Variants in COX6B1 observed in about 807,000 individuals in gnomAD.
The protein encoded by COX6B1 is COX VIb-1.
Under a neutral mutation model 14.0 loss-of-function variants are expected in COX6B1, and 2 were observed. The observed-to-expected ratio is 0.14, with a 90% CI of 0.06 to 0.45. COX6B1 has a LOEUF of 0.45. Ranked by LOEUF, COX6B1 falls within the 20% of genes least tolerant of loss-of-function variation. The pLI is 0.98. For synonymous variants in COX6B1, 30 were observed against 39.7 expected, an observed-to-expected ratio of 0.76 and a Z score of 0.92; for missense variants, 81 against 114.2, an observed-to-expected ratio of 0.71 and a Z score of 1.33.
At chr19:35,658,487 G>T in intron 3 of COX6B1, 107 bp from the exon 4 acceptor site, 1 of 935,038 alleles carries the variant, frequency 1.1e-6, no homozygotes, top group East Asian at 2.5e-5. Flanking sequence ...CACACAGCAG[G>T]TACCTGTGGA....
At chr19:35,653,313 C>A (rs1447928078) in intron 2 of COX6B1, among the ~76,000 whole-genome samples, 1 of 150,730 alleles carries the variant, frequency 6.6e-6, no homozygotes, top group East Asian at 1.9e-4. Context: ...CGCTCTGTTG[C>A]CCAGGCTGGA....
At chr19:35,649,581 T>C (rs746751088) in intron 1 of COX6B1, among the ~76,000 whole-genome samples, 47 of 150,340 alleles carry the variant, frequency 3.1e-4, no homozygotes, top group Non-Finnish European at 5.2e-4. Context: ...TGGGTTCAAG[T>C]GATTCTCCTG....
intron 1 of COX6B1, among the ~76,000 whole-genome samples, chr19:35,649,992 A>G (rs1967806714): frequency 6.7e-6 from 1 of 150,004 alleles, no homozygotes; most frequent in African/African-American, 2.5e-5. Flanking sequence ...ATTCATGATT[A>G]CTTCAAAATT....
At chr19:35,657,650 ATT>A (rs1192141047) in intron 3 of COX6B1, among the ~76,000 whole-genome samples, 17 of 115,488 alleles carry the variant, frequency 1.5e-4, no homozygotes, top group Non-Finnish European at 1.1e-4. Flanking sequence ...GGGCCTTTTC[ATT>A]TTTTTTTTTT....
chr19:35,656,144 A>T (rs1967886846), intron 3 of COX6B1, among the ~76,000 whole-genome samples: 1 of 152,030 alleles, frequency 6.6e-6, no homozygotes, highest in African/African-American at 2.4e-5. Context: ...CTTTCAAAAT[A>T]AAAAAAATTA....
At chr19:35,649,110 C>A (rs896498308) in intron 1 of COX6B1, among the ~76,000 whole-genome samples, 2 of 152,122 alleles carry the variant, frequency 1.3e-5, no homozygotes, top group Non-Finnish European at 2.9e-5. Flanking sequence ...AGGCTCCCGA[C>A]GAACACTGTC....
At chr19:35,650,449 G>A (rs577622162) in intron 1 of COX6B1, among the ~76,000 whole-genome samples, 1 of 152,036 alleles carries the variant, frequency 6.6e-6, no homozygotes, top group Non-Finnish European at 1.5e-5. Context: ...TGGTGTCTCC[G>A]TTCTGTAATC....
chr19:35,650,952 GAAC>G (rs1967817732), intron 1 of COX6B1, among the ~76,000 whole-genome samples: 1 of 152,144 alleles, frequency 6.6e-6, no homozygotes, highest in Non-Finnish European at 1.5e-5. Context: ...AAAGTGTGTA[GAAC>G]AGCGCCTGGC....
intron 1 of COX6B1, among the ~76,000 whole-genome samples, chr19:35,650,580 C>T (rs949779016): frequency 2.0e-5 from 3 of 151,858 alleles, no homozygotes; most frequent in African/African-American, 7.3e-5. Context: ...TGGTGGCAGG[C>T]GCCTGTAATC....
intron 1 of COX6B1, among the ~76,000 whole-genome samples, chr19:35,649,596 A>G (rs1290441447): frequency 6.7e-6 from 1 of 150,180 alleles, no homozygotes; most frequent in African/African-American, 2.5e-5. Context: ...CTCCTGCCCC[A>G]GCCTCCCTGG....
At chr19:35,650,086 C>T (rs1014066096) in intron 1 of COX6B1, among the ~76,000 whole-genome samples, 2 of 151,956 alleles carry the variant, frequency 1.3e-5, no homozygotes, top group Non-Finnish European at 2.9e-5. Context: ...TCACTACAAC[C>T]TCCGCCTCCT....
At chr19:35,657,217 C>A (rs1282470261) in intron 3 of COX6B1, among the ~76,000 whole-genome samples, 2 of 151,682 alleles carry the variant, frequency 1.3e-5, no homozygotes, top group African/African-American at 2.4e-5. Flanking sequence ...ATGGTCCCAT[C>A]TGGGGGTGAT....
In COX6B1 at chr19:35,649,522, A is replaced by G. The variant is rs547707177; in HGVS notation, c.-12+1119A>G. Among the ~76,000 whole-genome samples the G allele has an allele frequency of 8.7e-5, 13 of 148,640 alleles. No individual in the cohort carries two copies. The South Asian group carries it at 1.7e-3, about 19-fold the overall frequency. The stretch of plus-strand genomic sequence containing the variant: ...GAGACAAGATCTTGCTGTATCGCCC[A>G]GGCTGGAGTACAATGGCACAATCTC... On this transcript the variant is annotated intron_variant, in intron 1 of 3. Transcript: ENST00000649813.
chr19:35,656,588 C>T (rs943805165), intron 3 of COX6B1, among the ~76,000 whole-genome samples: 1 of 150,370 alleles, frequency 6.7e-6, no homozygotes, highest in Non-Finnish European at 1.5e-5. Context: ...TCAGGCGATT[C>T]CCCTGCCTCA....
rs868861836 is a variant in COX6B1, at chr19:35,652,602, T to C, written c.106+1253T>C. On this transcript the variant is annotated intron_variant, in intron 2 of 3. Transcript: ENST00000649813. ...GGCACCCGCCACCATGCCCAGCTAA[T>C]TTTTTGTATTTTTTTTTTTTTTTAG... Among the ~76,000 whole-genome samples the C allele has an allele frequency of 6.0e-4, 83 of 137,528 alleles. No homozygotes were observed. In the Middle Eastern group the frequency reaches 0.019, roughly 31 times the overall value. The allele number at this position is 137,528 out of a possible 152,430, so 90.2% of individuals were successfully genotyped here.
intron 2 of COX6B1, among the ~76,000 whole-genome samples, chr19:35,653,705 C>T (rs557114424): frequency 1.1e-4 from 17 of 150,850 alleles, no homozygotes; most frequent in African/African-American, 2.4e-4. Flanking sequence ...CTCAGCCTCC[C>T]GAGTAGCTGG....
intron 2 of COX6B1, among the ~76,000 whole-genome samples, chr19:35,653,134 A>T (rs1967848543): frequency 1.4e-5 from 2 of 143,518 alleles, no homozygotes; most frequent in Non-Finnish European, 3.1e-5. Context: ...TGCCTGGCTA[A>T]TTTTTTTTTT....
intron 1 of COX6B1, chr19:35,648,913 C>A: frequency 1.9e-6 from 1 of 533,400 alleles, no homozygotes; most frequent in South Asian, 1.4e-5. Context: ...TCGCCGGTAA[C>A]GATCCTTCCT....
At chr19:35,652,625 T>A (rs1381371993) in intron 2 of COX6B1, among the ~76,000 whole-genome samples, 4 of 145,076 alleles carry the variant, frequency 2.8e-5, no homozygotes, top group South Asian at 4.3e-4. Context: ...TTTTTTTTTT[T>A]AGTAAAGACA....
Sources: gnomAD v4.1 joint callset for allele counts (sites outside exome capture counted in the v4.1 genomes callset) on GRCh38, gnomAD v4.1.1 for gene constraint, MANE v1.5 for transcripts, NCBI Gene and HGNC (gene_info 2026-07-23, HGNC 2026-07-21) for gene names.